The following GRXCR1 variants were observed in gnomAD, a reference collection of about 807,000 sequenced individuals.
GRXCR1 encodes the protein glutaredoxin domain-containing cysteine-rich protein 1.
In GRXCR1, 27 loss-of-function variants were observed where a neutral mutation model predicts 27.3. That is an observed-to-expected ratio of 0.99 (90% CI 0.73 to 1.37). The LOEUF (loss-of-function observed/expected upper bound fraction) is 1.37, where lower values mean the gene tolerates loss of function less well. GRXCR1 is among the 40% of genes most tolerant of loss of function. The pLI, the probability that GRXCR1 is intolerant of heterozygous loss-of-function variation, is 0.00. For synonymous variants in GRXCR1, 122 were observed against 131.1 expected (o/e 0.93, Z 0.47); for missense variants, 379 against 354.4 (o/e 1.07, Z -0.56).
At chr4:42,975,813 T>A (rs1022081175) in intron 2 of GRXCR1, among the ~76,000 whole-genome samples, 2 of 152,168 alleles carry the variant, frequency 1.3e-5, no homozygotes, top group African/African-American at 4.8e-5. Context: ...TACAACCACA[T>A]CTTCTTTAAC....
At chr4:42,961,694 T>C (rs562564824) in intron 1 of GRXCR1, among the ~76,000 whole-genome samples, 9 of 152,126 alleles carry the variant, frequency 5.9e-5, no homozygotes, top group African/African-American at 1.7e-4. Context: ...CTTTATTACA[T>C]TTTATCATCA....
intron 1 of GRXCR1, among the ~76,000 whole-genome samples, chr4:42,954,572 A>G (rs1459733940): frequency 2.6e-5 from 4 of 152,106 alleles, no homozygotes; most frequent in Non-Finnish European, 5.9e-5. Context: ...CTTTACCACT[A>G]TGATAAATGA....
chr4:42,915,153 C>T (rs1746857041), intron 1 of GRXCR1, among the ~76,000 whole-genome samples: 1 of 152,140 alleles, frequency 6.6e-6, no homozygotes, highest in African/African-American at 2.4e-5. Context: ...GTGGGCACTC[C>T]CTGGGCAGCA....
intron 1 of GRXCR1, among the ~76,000 whole-genome samples, chr4:42,893,900 G>A (rs1746292014): frequency 6.6e-6 from 1 of 152,108 alleles, no homozygotes; most frequent in African/African-American, 2.4e-5. Flanking sequence ...TCCAGTGTGT[G>A]ATGACTAATA....
intron 2 of GRXCR1, among the ~76,000 whole-genome samples, chr4:42,970,955 A>G (rs1358259765): frequency 6.6e-6 from 1 of 152,126 alleles, no homozygotes; most frequent in Non-Finnish European, 1.5e-5. Context: ...ATATGACTGT[A>G]TGCTTTCAGA....
intron 1 of GRXCR1, among the ~76,000 whole-genome samples, chr4:42,962,044 T>C (rs9291226): frequency 0.014 from 2,176 of 152,100 alleles, 55 homozygotes; most frequent in African/African-American, 0.05. Context: ...GAAGCTTTCT[T>C]ATTGATTTCA....
At chr4:43,025,396 G>C (rs529753576) in intron 3 of GRXCR1, among the ~76,000 whole-genome samples, 2 of 152,290 alleles carry the variant, frequency 1.3e-5, no homozygotes, top group South Asian at 4.1e-4. Context: ...ATATATATTT[G>C]TGGAATGGAA....
chr4:43,000,903 T>C (rs541869487), intron 2 of GRXCR1, among the ~76,000 whole-genome samples: 1 of 152,060 alleles, frequency 6.6e-6, no homozygotes, highest in African/African-American at 2.4e-5. Context: ...CTATAGGTGT[T>C]TTTCTCTTTC....
intron 1 of GRXCR1, among the ~76,000 whole-genome samples, chr4:42,943,532 T>G (rs1747671891): frequency 6.6e-6 from 1 of 152,004 alleles, no homozygotes; most frequent in Non-Finnish European, 1.5e-5. Flanking sequence ...GACACTTAGT[T>G]TTAATAAGCA....
intron 1 of GRXCR1, among the ~76,000 whole-genome samples, chr4:42,919,229 T>G (rs1375140688): frequency 2.6e-5 from 4 of 152,154 alleles, no homozygotes. Flanking sequence ...CAGACAGTCA[T>G]GCCTTTCAGT....
intron 2 of GRXCR1, among the ~76,000 whole-genome samples, chr4:42,988,931 C>T (rs1319217293): frequency 1.3e-5 from 2 of 152,116 alleles, no homozygotes; most frequent in Non-Finnish European, 2.9e-5. Context: ...ATAATCATCT[C>T]TCCATATATA....
At chr4:42,966,632 A>G (rs947991236) in intron 2 of GRXCR1, among the ~76,000 whole-genome samples, 1 of 152,068 alleles carries the variant, frequency 6.6e-6, no homozygotes, top group Non-Finnish European at 1.5e-5. Flanking sequence ...CATAGTCAAG[A>G]AGGAGTTGGC....
At position 42,960,290 on chromosome 4, in the gene GRXCR1, T is replaced by A. The variant is rs114135807; in HGVS notation, c.385-2602T>A. Among the ~76,000 whole-genome samples, 793 of 152,066 alleles carry A rather than the reference T, an allele frequency of 5.2e-3. 6 individuals are homozygous for A. The highest frequency in any genetic ancestry group is 0.018 in the African/African-American group (757 of 41,522). ...TAGAAAACTAATGCAGTAATAGTAG[T>A]CTTTGTATTCAGAGGAAAAATGCAT... On this transcript the variant is annotated intron_variant, in intron 1 of 3. Transcript: ENST00000399770.
chr4:42,968,774 T>C (rs2109778173), intron 2 of GRXCR1, among the ~76,000 whole-genome samples: 1 of 151,212 alleles, frequency 6.6e-6, no homozygotes, highest in East Asian at 2.0e-4. Context: ...TTTCAAAGAG[T>C]TTTTTTTTAT....
At chr4:42,959,449 G>A (rs1342254632) in intron 1 of GRXCR1, among the ~76,000 whole-genome samples, 1 of 151,308 alleles carries the variant, frequency 6.6e-6, no homozygotes, top group African/African-American at 2.4e-5. Flanking sequence ...GAAGAAGGGG[G>A]ATATAATAGG....
At chr4:43,005,591 C>A (rs1431605427) in intron 2 of GRXCR1, among the ~76,000 whole-genome samples, 3 of 152,144 alleles carry the variant, frequency 2.0e-5, no homozygotes, top group Admixed American at 6.5e-5. Flanking sequence ...GAGACTGTGG[C>A]CAGATTGCAA....
intron 2 of GRXCR1, among the ~76,000 whole-genome samples, chr4:43,001,477 C>T (rs80189882): frequency 0.012 from 1,835 of 152,202 alleles, 15 homozygotes; most frequent in Middle Eastern, 0.02. Flanking sequence ...GTTATGTGTT[C>T]TTCACTCTGA....
At position 43,030,652 on chromosome 4, in the gene GRXCR1, A is replaced by G; in HGVS notation, c.*112A>G. ...ATGGATTAATCAATAAACTTTGTTT[A>G]TTATAATTGTCTTTGTGGTGAATTT... On this transcript the variant is annotated 3_prime_UTR_variant, in exon 4 of 4. Coordinates refer to ENST00000399770, the MANE Select transcript of GRXCR1 (RefSeq NM_001080476.3). The G allele has an allele frequency of 2.3e-6, 2 of 877,738 alleles. No homozygotes were observed. Among genetic ancestry groups the G allele is most frequent in the Middle Eastern group, 6.5e-4 (2 of 3,092 alleles). 54.4% of individuals were successfully genotyped at this position (877,738 alleles called of 1,614,324 possible).
chr4:42,937,392 G>T (rs143564127), intron 1 of GRXCR1, among the ~76,000 whole-genome samples: 1 of 151,788 alleles, frequency 6.6e-6, no homozygotes, highest in Non-Finnish European at 1.5e-5. Context: ...AAGGAGCTCT[G>T]GTTCGTTTTA....
Sources: allele counts gnomAD v4.1 joint callset (sites outside exome capture counted in the v4.1 genomes callset), GRCh38; gene constraint gnomAD v4.1.1; transcripts MANE v1.5; gene names NCBI Gene and HGNC (gene_info 2026-07-23, HGNC 2026-07-21).